Variants in AREL1 observed in about 807,000 individuals in gnomAD.
AREL1 encodes apoptosis-resistant E3 ubiquitin protein ligase 1.
Under a neutral mutation model 99.0 loss-of-function variants are expected in AREL1, and 62 were observed. That is an observed-to-expected ratio of 0.63 (90% CI 0.51 to 0.77). The LOEUF (loss-of-function observed/expected upper bound fraction) is 0.77. Among genes scored for constraint, AREL1 ranks in the 30% least tolerant of loss-of-function variants. The pLI is 0.00. For synonymous variants in AREL1, 380 were observed against 376.5 expected (o/e 1.01, Z -0.11); for missense variants, 879 against 1,027.6 (o/e 0.86, Z 1.98).
intron 15 of AREL1, among the ~76,000 whole-genome samples, chr14:74,668,983 T>C (rs1053858877): frequency 4.6e-5 from 7 of 152,288 alleles, no homozygotes; most frequent in Non-Finnish European, 8.8e-5. Flanking sequence ...GCTCAAGCGA[T>C]GTTCCAGCTT....
In AREL1 at chr14:74,670,022, G is replaced by C. The variant is rs1302292741; in HGVS notation, c.1713C>G (p.Ala571=). The change falls in exon 14 of 20, where the codon GCC becomes GCG. Residue 571 remains alanine, a synonymous_variant. Coordinates refer to ENST00000356357, the MANE Select transcript of AREL1 (RefSeq NM_001039479.2). ...KCLYESSLGG[A]YKQLVRARFT... is the part of the protein sequence containing the mutation. ...AGCGAGCTCGGACCAACTGCTTGTA[G>C]GCTCCTCCTAGAGAGGACTCATAGA... The C allele has an allele frequency of 1.2e-6, 2 of 1,613,958 alleles. No homozygotes were observed. Among genetic ancestry groups the C allele is most frequent in the African/African-American group, 2.7e-5 (2 of 74,918 alleles).
At chr14:74,670,661 C>T (rs974308521) in intron 13 of AREL1, 101 bp downstream of exon 13, 4 of 917,978 alleles carry the variant, frequency 4.4e-6, no homozygotes, top group Non-Finnish European at 5.1e-6. Context: ...GAATAGGACA[C>T]AGGTTGTCAG....
chr14:74,666,629 A>G (rs909584152), intron 17 of AREL1, among the ~76,000 whole-genome samples: 7 of 151,946 alleles, frequency 4.6e-5, no homozygotes, highest in African/African-American at 1.7e-4. Flanking sequence ...CACTCAATAT[A>G]TACCTGAAAA....
At chr14:74,688,340 A>G (rs1215061449) in intron 2 of AREL1, among the ~76,000 whole-genome samples, 3 of 152,056 alleles carry the variant, frequency 2.0e-5, no homozygotes, top group East Asian at 3.9e-4. Flanking sequence ...TACTTACTCA[A>G]TGTGCCAGGT....
chr14:74,670,747 C>T lies in AREL1; in HGVS notation c.1608+15G>A. ...AACATAATCCACATTTTCCACCCAC[C>T]CGTCACCAACTCACTAATGCTTGGT... On this transcript the variant is annotated intron_variant, in intron 13 of 19. Coordinates refer to ENST00000356357, the MANE Select transcript of AREL1 (RefSeq NM_001039479.2). 6.2e-7 allele frequency: 1 copy of T among 1,610,700 alleles called. No individual in the cohort carries two copies. Among genetic ancestry groups the T allele is most frequent in the South Asian group, 1.1e-5 (1 of 90,942 alleles).
At chr14:74,668,687 G>A (rs1465733877) in intron 15 of AREL1, among the ~76,000 whole-genome samples, 1 of 152,122 alleles carries the variant, frequency 6.6e-6, no homozygotes, top group Non-Finnish European at 1.5e-5. Flanking sequence ...ATAATTTCCA[G>A]AAAGGATATC....
In AREL1 at chr14:74,709,167, T is replaced by C. The variant is rs549453379; in HGVS notation, c.-334+3766A>G. Among the ~76,000 whole-genome samples, 13 of 152,350 alleles carry C rather than the reference T, an allele frequency of 8.5e-5. No individual in the cohort carries two copies. In the South Asian group the frequency reaches 2.7e-3, roughly 32 times the overall value. ...TAAAAGGTAAAACGGTCAGGCACAG[T>C]GGCTCATGCCTCTTCTCCCAGCTAC... On this transcript the variant is annotated intron_variant, in intron 1 of 19. Transcript: ENST00000356357.
Position 74,684,578 on chromosome 14 carries a change from C to G in AREL1, c.119G>C (p.Arg40Pro). ...GTCATAAATAGTCCGGTCCCCTCGG[C>G]GCTCGCGGTCCTCATTCTGGAGGAA... ...VSFLQNEDRE[R>P]RGDRTIYDYV... Residue 40 changes from arginine to proline, a missense_variant, in exon 4 of 20, where the codon CGC becomes CCC. By Grantham distance (103) the Arg-to-Pro change is moderately radical (BLOSUM62 -2). Transcript: ENST00000356357. The G allele has an allele frequency of 6.2e-7, 1 of 1,614,176 alleles. No homozygotes were observed.
chr14:74,667,575 C>A lies in AREL1; in HGVS notation c.1934G>T (p.Gly645Val). 1 of 1,612,732 alleles carries A rather than the reference C, an allele frequency of 6.2e-7. No individual in the cohort carries two copies. The highest frequency in any genetic ancestry group is 8.5e-7 in the Non-Finnish European group (1 of 1,179,296). The change falls in exon 16 of 20, where the codon GGT becomes GTT. Residue 645 changes from glycine to valine, a missense_variant. Physicochemically the swap from Gly to Val is moderately radical, Grantham distance 109. Coordinates refer to ENST00000356357, the MANE Select transcript of AREL1 (RefSeq NM_001039479.2). ...ATTGGTGACTGGAGTTTGAGCTCCA[C>A]CTGTCATGAGTTCTACAACCTGTAA... ...QLDKVVELMT[G>V]GAQTPVTNAN...
chr14:74,692,827 C>T (rs2089910687), intron 1 of AREL1, among the ~76,000 whole-genome samples: 1 of 152,160 alleles, frequency 6.6e-6, no homozygotes, highest in Admixed American at 6.5e-5. Context: ...CCTCAGCCTC[C>T]CAAGTAGCTG....
chr14:74,671,558 G>T, intron 11 of AREL1, 75 bp from the exon 12 acceptor site: 1 of 982,228 alleles, frequency 1.0e-6, no homozygotes, highest in Non-Finnish European at 1.5e-6. Context: ...CAACACAAGA[G>T]CACTGCCATT....
intron 1 of AREL1, among the ~76,000 whole-genome samples, chr14:74,693,458 GC>G (rs2089924142): frequency 6.6e-6 from 1 of 152,150 alleles, no homozygotes; most frequent in African/African-American, 2.4e-5. Context: ...TTATGGCAAT[GC>G]ATACACAAAC....
In AREL1 at chr14:74,712,981, G is replaced by A; in HGVS notation, c.-382C>T. The A allele has an allele frequency of 2.6e-6, 2 of 761,102 alleles. No homozygotes were observed. The highest frequency in any genetic ancestry group is 4.6e-6 in the Non-Finnish European group (2 of 433,150). 47.1% of individuals were successfully genotyped at this position (761,102 alleles called of 1,614,324 possible). ...CGAAGTTCCACCTCCGCTGTCCTGG[G>A]AAGGGGCGGCAGCACTCAGCAGAAG... On this transcript the variant is annotated 5_prime_UTR_variant, in exon 1 of 20. Coordinates refer to ENST00000356357, the MANE Select transcript of AREL1 (RefSeq NM_001039479.2).
In AREL1 at chr14:74,712,916, C is replaced by T. The variant is rs748974195; in HGVS notation, c.-334+17G>A. On this transcript the variant is annotated intron_variant, in intron 1 of 19. Transcript: ENST00000356357. ...CAGGTCTTCTGGGCTCTGCCTAAGG[C>T]TGGAGAGAAACGTTACCCGAGCCGG... 5.2e-5 allele frequency: 34 copies of T among 656,204 alleles called. 1 individual carries two copies. Among genetic ancestry groups the T allele is most frequent in the South Asian group, 4.9e-4 (32 of 65,856 alleles). 40.6% of individuals were successfully genotyped at this position (656,204 alleles called of 1,614,324 possible). A position where few individuals can be genotyped will look rare whatever the true frequency, so the allele number is the denominator to read the frequency against.
intron 2 of AREL1, among the ~76,000 whole-genome samples, chr14:74,688,494 C>G (rs1219258929): frequency 6.6e-6 from 1 of 152,222 alleles, no homozygotes; most frequent in Non-Finnish European, 1.5e-5. Flanking sequence ...TTTTCAAGAT[C>G]AGCTAAACCT....
chr14:74,703,890 C>G (rs2090130419), intron 1 of AREL1, among the ~76,000 whole-genome samples: 2 of 152,164 alleles, frequency 1.3e-5, no homozygotes, highest in African/African-American at 4.8e-5. Context: ...TAAGTATCTA[C>G]TTAACTTACA....
chr14:74,680,961 T>A (rs757822712), intron 5 of AREL1, among the ~76,000 whole-genome samples: 1 of 152,138 alleles, frequency 6.6e-6, no homozygotes, highest in Non-Finnish European at 1.5e-5. Context: ...GGCAGGAGGA[T>A]TGCTTGAGGC....
rs770014189 is a variant in AREL1 at position 74,670,872 on chromosome 14, C to G, written c.1499-1G>C. 10 of 1,613,664 alleles carry G rather than the reference C, an allele frequency of 6.2e-6. No individual in the cohort carries two copies. Among genetic ancestry groups the G allele is most frequent in the Non-Finnish European group, 8.5e-6 (10 of 1,179,688 alleles). ...CGGCGAGGCCCTCCCCAGTCCAGAG[C>G]TGAAAAGCATAATGAAAATAAAAAA... On this transcript the variant is annotated splice_acceptor_variant, in intron 12 of 19. Coordinates refer to ENST00000356357, the MANE Select transcript of AREL1 (RefSeq NM_001039479.2). LOFTEE classifies it high-confidence loss of function.
At chr14:74,696,914 A>G (rs1484622986) in intron 1 of AREL1, among the ~76,000 whole-genome samples, 1 of 152,196 alleles carries the variant, frequency 6.6e-6, no homozygotes, top group African/African-American at 2.4e-5. Flanking sequence ...TAGTGAGCCA[A>G]GATTGCGCCA....
Sources: gnomAD v4.1 joint callset for allele counts (sites outside exome capture counted in the v4.1 genomes callset) on GRCh38, gnomAD v4.1.1 for gene constraint, MANE v1.5 for transcripts, NCBI Gene and HGNC (gene_info 2026-07-23, HGNC 2026-07-21) for gene names.